PROCR: variants seen among roughly 807,000 people sequenced by gnomAD.
PROCR encodes the protein endothelial protein C receptor.
A neutral mutation model predicts 24.2 loss-of-function variants in PROCR; 22 were observed. That is an observed-to-expected ratio of 0.91 (90% CI 0.65 to 1.30). The LOEUF is 1.30. PROCR is among the 50% of genes most tolerant of loss of function. PROCR has a pLI of 0.00. For missense variants in PROCR, 288 were observed against 307.7 expected, an observed-to-expected ratio of 0.94 and a Z score of 0.48; for synonymous variants, 137 against 139.2, an observed-to-expected ratio of 0.98 and a Z score of 0.11.
At chr20:35,199,577 T>C (rs960706874) in intron 1 of PROCR, among the ~76,000 whole-genome samples, 3 of 151,994 alleles carry the variant, frequency 2.0e-5, no homozygotes, top group Non-Finnish European at 4.4e-5. Context: ...AGTGAAACCC[T>C]GTCTCTAATA....
At chr20:35,202,677 C>T (rs1228729331) in intron 1 of PROCR, 1 of 151,608 alleles carries the variant, frequency 6.6e-6, no homozygotes, top group Non-Finnish European at 1.5e-5. Context: ...TAGTATGCAA[C>T]TAACAAAGAT....
intron 1 of PROCR, among the ~76,000 whole-genome samples, chr20:35,212,362 C>T (rs1218750732): frequency 6.6e-6 from 1 of 152,076 alleles, no homozygotes; most frequent in African/African-American, 2.4e-5. Flanking sequence ...TTAGAAGGGC[C>T]CTCACGCTTG....
At position 35,203,617 on chromosome 20, in the gene PROCR, AAAAAAAAAG is replaced by A. The variant is rs544747528; in HGVS notation, c.95-12256_95-12248del. 8.3e-3 allele frequency among the ~76,000 whole-genome samples: 1,251 copies of A among 150,850 alleles called. 10 individuals carry two copies. The highest frequency in any genetic ancestry group is 0.029 in the African/African-American group (1,174 of 41,154). ...GGGTAACAGAACAAGACTCTGTCTC[AAAAAAAAAG>A]AAAAAAAAGAAAAAAAAGAGAACTC... On this transcript the variant is annotated intron_variant, in intron 1 of 1. Transcript: ENST00000634509.
chr20:35,184,836 A>C (rs190967623), intron 1 of PROCR, among the ~76,000 whole-genome samples: 3 of 152,162 alleles, frequency 2.0e-5, no homozygotes, highest in African/African-American at 7.2e-5. Flanking sequence ...AGACAAAAAA[A>C]CCAAAAGCAG....
intron 1 of PROCR, among the ~76,000 whole-genome samples, chr20:35,212,561 C>T (rs2060366406): frequency 1.3e-5 from 2 of 152,176 alleles, no homozygotes; most frequent in Non-Finnish European, 2.9e-5. Context: ...GGGGCTAAAT[C>T]AAGGTCTTGT....
chr20:35,173,401 T>C (rs1387697115), intron 1 of PROCR, among the ~76,000 whole-genome samples: 1 of 151,514 alleles, frequency 6.6e-6, no homozygotes, highest in Admixed American at 6.6e-5. Flanking sequence ...GGTCTTTTTT[T>C]CTTTGCTTTT....
At chr20:35,187,332 G>A (rs2086136937) in intron 1 of PROCR, among the ~76,000 whole-genome samples, 2 of 152,178 alleles carry the variant, frequency 1.3e-5, no homozygotes, top group South Asian at 4.1e-4. Flanking sequence ...AAAGTGCTGG[G>A]ATTACAGGCA....
In PROCR at chr20:35,172,090, C is replaced by G; in HGVS notation, c.-65C>G. 1 of 1,506,320 alleles carries G rather than the reference C, an allele frequency of 6.6e-7. No individual in the cohort carries two copies. The highest frequency in any genetic ancestry group is 9.2e-7 in the Non-Finnish European group (1 of 1,082,364). 93.3% of individuals were successfully genotyped at this position (1,506,320 alleles called of 1,614,324 possible). ...GGTCCTCACTTCTCTTTTCCCTAGACTGCAGCCAGCGGAGCCCGCAGCCGG... is the reference window on the plus strand; with the variant it reads ...GGTCCTCACTTCTCTTTTCCCTAGAGTGCAGCCAGCGGAGCCCGCAGCCGG... On this transcript the variant is annotated 5_prime_UTR_variant, in exon 1 of 4. Coordinates refer to ENST00000216968, the MANE Select transcript of PROCR (RefSeq NM_006404.5).
intron 1 of PROCR, among the ~76,000 whole-genome samples, chr20:35,195,963 C>G (rs2086212505): frequency 6.6e-6 from 1 of 151,620 alleles, no homozygotes; most frequent in Non-Finnish European, 1.5e-5. Context: ...AGCAGACTGC[C>G]TGAGCTCAGG....
chr20:35,178,747 C>G (rs1464049842), downstream of PROCR, among the ~76,000 whole-genome samples: 1 of 143,456 alleles, frequency 7.0e-6, no homozygotes, highest in Admixed American at 6.9e-5. Flanking sequence ...GATCTCCTGA[C>G]CTCGTGATCC....
chr20:35,192,383 T>A (rs1325946375), intron 1 of PROCR, among the ~76,000 whole-genome samples: 1 of 152,152 alleles, frequency 6.6e-6, no homozygotes, highest in Non-Finnish European at 1.5e-5. Flanking sequence ...CCAAGTTAGG[T>A]CAGAGCCACA....
chr20:35,203,572 G>A (rs973886871), intron 1 of PROCR, among the ~76,000 whole-genome samples: 6 of 150,826 alleles, frequency 4.0e-5, no homozygotes, highest in East Asian at 1.9e-4. Flanking sequence ...AGCTGAGATC[G>A]CACCACTGCA....
intron 1 of PROCR, among the ~76,000 whole-genome samples, chr20:35,198,847 T>C (rs2146170796): frequency 6.6e-6 from 1 of 152,212 alleles, no homozygotes; most frequent in East Asian, 1.9e-4. Flanking sequence ...CCCAAGTAGT[T>C]GGGACTACAG....
chr20:35,212,198 G>A (rs1265921243), intron 1 of PROCR, among the ~76,000 whole-genome samples: 1 of 152,148 alleles, frequency 6.6e-6, no homozygotes, highest in Non-Finnish European at 1.5e-5. Flanking sequence ...TGGCAGGCGT[G>A]TAGTACATCA....
At position 35,176,975 on chromosome 20, in the gene PROCR, A is replaced by G; in HGVS notation, c.*162A>G. 3 of 1,491,344 alleles carry G rather than the reference A, an allele frequency of 2.0e-6. No homozygotes were observed. The highest frequency in any genetic ancestry group is 2.7e-6 in the Non-Finnish European group (3 of 1,119,648). The allele number at this position is 1,491,344 out of a possible 1,614,324, so 92.4% of individuals were successfully genotyped here. A position where few individuals can be genotyped will look rare whatever the true frequency, so the allele number is the denominator to read the frequency against. On this transcript the variant is annotated 3_prime_UTR_variant, in exon 4 of 4. Coordinates refer to ENST00000216968, the MANE Select transcript of PROCR (RefSeq NM_006404.5). ...GCCCACTGAAGATTTGAGGGAGGGG[A>G]GATGGAGAGGAGAGGTGGACAAAGT... is the stretch of plus-strand genomic sequence containing the variant.
exon 2 of PROCR, chr20:35,215,944 T>C: frequency 1.1e-6 from 1 of 949,520 alleles, no homozygotes. Context: ...ACTCCTGTAA[T>C]CCCAGCACTT....
At chr20:35,193,847 T>C (rs952909002) in intron 1 of PROCR, among the ~76,000 whole-genome samples, 17 of 152,286 alleles carry the variant, frequency 1.1e-4, no homozygotes, top group Non-Finnish European at 2.4e-4. Flanking sequence ...ATAGATAACA[T>C]GTAAACTCAT....
chr20:35,197,372 C>T (rs1005025106), intron 1 of PROCR, among the ~76,000 whole-genome samples: 1 of 152,078 alleles, frequency 6.6e-6, no homozygotes, highest in Admixed American at 6.6e-5. Flanking sequence ...AGATGGCAAA[C>T]CTATAGTTGA....
At chr20:35,185,801 C>T (rs945261556) in intron 1 of PROCR, among the ~76,000 whole-genome samples, 5 of 151,990 alleles carry the variant, frequency 3.3e-5, no homozygotes, top group East Asian at 1.9e-4. Context: ...GCTTGGGTGA[C>T]GGGTGCCACA....
Sources: allele counts gnomAD v4.1 joint callset (sites outside exome capture counted in the v4.1 genomes callset), GRCh38; gene constraint gnomAD v4.1.1; transcripts MANE v1.5; gene names NCBI Gene and HGNC (gene_info 2026-07-23, HGNC 2026-07-21).